The following KHDRBS1 variants were observed in gnomAD, a reference collection of about 807,000 sequenced individuals.
KHDRBS1 encodes KH RNA binding domain containing, signal transduction associated 1.
A neutral mutation model predicts 48.4 loss-of-function variants in KHDRBS1; 7 were observed. The ratio of observed to expected loss-of-function variants is 0.14; its 90% CI spans 0.08 to 0.27. The LOEUF is 0.27. Among genes scored for constraint, KHDRBS1 ranks in the 10% least tolerant of loss-of-function variants. The pLI, the probability that KHDRBS1 is intolerant of heterozygous loss-of-function variation, is 1.00. For missense variants in KHDRBS1, 458 were observed against 601.2 expected (o/e 0.76, Z 2.49); for synonymous variants, 241 against 235.8 (o/e 1.02, Z -0.20).
At chr1:32,015,475 C>T (rs1312766457) in intron 1 of KHDRBS1, among the ~76,000 whole-genome samples, 1 of 152,158 alleles carries the variant, frequency 6.6e-6, no homozygotes. Context: ...TATTATCTCC[C>T]TCCCTTTGTT....
chr1:32,021,122 A>T (rs1446005205), intron 1 of KHDRBS1, among the ~76,000 whole-genome samples: 6 of 147,170 alleles, frequency 4.1e-5, no homozygotes, highest in East Asian at 1.9e-4. Context: ...CCTTAAAATT[A>T]AAAAAAAAAA....
intron 10 of KHDRBS1, among the ~76,000 whole-genome samples, chr1:32,053,782 G>A (rs1639449190): frequency 6.6e-6 from 1 of 152,134 alleles, no homozygotes; most frequent in South Asian, 2.1e-4. Flanking sequence ...GTGAGCTAAT[G>A]CATATAAAAC....
At chr1:32,040,047 T>C (rs987184548) in intron 8 of KHDRBS1, among the ~76,000 whole-genome samples, 3 of 151,906 alleles carry the variant, frequency 2.0e-5, no homozygotes, top group African/African-American at 7.3e-5. Context: ...AAGAATGTCA[T>C]TGTAAAGGAA....
At position 32,042,003 on chromosome 1, in the gene KHDRBS1, G is replaced by A. The variant is rs904761729; in HGVS notation, c.1235-524G>A. Among the ~76,000 whole-genome samples the A allele has an allele frequency of 5.3e-5, 8 of 152,166 alleles. No homozygotes were observed. In the East Asian group the frequency reaches 9.7e-4, roughly 18 times the overall value. ...CCCCATGGAAAGTGGCCCTTGCTTGGTTTTCCCAGGGAGCTAGAGGACACT... is the reference window on the plus strand; with the variant it reads ...CCCCATGGAAAGTGGCCCTTGCTTGATTTTCCCAGGGAGCTAGAGGACACT... On this transcript the variant is annotated intron_variant, in intron 8 of 8. Transcript: ENST00000327300.
intron 1 of KHDRBS1, among the ~76,000 whole-genome samples, chr1:32,016,682 T>C (rs1213551762): frequency 2.6e-5 from 4 of 152,200 alleles, no homozygotes; most frequent in African/African-American, 9.6e-5. Context: ...CTGAGCACTC[T>C]TCCTGTACCA....
rs556970790 is a variant in KHDRBS1 at position 32,042,195 on chromosome 1, A to T, written c.1235-332A>T. Among the ~76,000 whole-genome samples the T allele has an allele frequency of 9.8e-5, 15 of 152,314 alleles. No homozygotes were observed. The South Asian group carries it at 3.1e-3, about 32-fold the overall frequency. On this transcript the variant is annotated intron_variant, in intron 8 of 8. Coordinates refer to ENST00000327300, the MANE Select transcript of KHDRBS1 (RefSeq NM_006559.3). ...ACTCACTAAGATTAATGAGTTCCTC[A>T]CTATCTCAAGCAAGGTGTTGGGTAT...
At chr1:32,029,069 T>C (rs1464933501) in intron 1 of KHDRBS1, among the ~76,000 whole-genome samples, 3 of 152,340 alleles carry the variant, frequency 2.0e-5, no homozygotes, top group Non-Finnish European at 4.4e-5. Flanking sequence ...GTACCTATTA[T>C]AGCCCTCCCT....
At chr1:32,058,105 T>G (rs1639500955) in intron 10 of KHDRBS1, among the ~76,000 whole-genome samples, 2 of 144,566 alleles carry the variant, frequency 1.4e-5, no homozygotes, top group African/African-American at 2.6e-5. Flanking sequence ...GCAATAAGAG[T>G]GAAACTGTCT....
chr1:32,037,233 A>T (rs772801642), intron 5 of KHDRBS1, among the ~76,000 whole-genome samples, 190 bp downstream of exon 5: 1 of 152,076 alleles, frequency 6.6e-6, no homozygotes, highest in Non-Finnish European at 1.5e-5. Flanking sequence ...AGGCGGATCA[A>T]CTGACATTTG....
At chr1:32,035,089 G>A (rs762099265) in intron 4 of KHDRBS1, among the ~76,000 whole-genome samples, 6 of 151,982 alleles carry the variant, frequency 3.9e-5, no homozygotes, top group Non-Finnish European at 8.8e-5. Context: ...CTCTTTTTGG[G>A]GTGTTCTATT....
chr1:32,025,490 G>A lies in KHDRBS1; in HGVS notation c.383-4808G>A, dbSNP rs558884928. ...TCATTTTTGTACTTTTAATAGAGAT[G>A]GGGTTTCACTGTATTGGTCAGGCTG... On this transcript the variant is annotated intron_variant, in intron 1 of 8. Transcript: ENST00000327300. Among the ~76,000 whole-genome samples, 48 of 150,990 alleles carry A rather than the reference G, an allele frequency of 3.2e-4. No homozygotes were observed. The South Asian group carries it at 6.5e-3, about 21-fold the overall frequency.
intron 8 of KHDRBS1, among the ~76,000 whole-genome samples, chr1:32,039,978 G>A (rs145085014): frequency 6.6e-6 from 1 of 151,742 alleles, no homozygotes; most frequent in Non-Finnish European, 1.5e-5. Context: ...GAACTTAATC[G>A]TACACAACTG....
intron 1 of KHDRBS1, among the ~76,000 whole-genome samples, chr1:32,019,314 C>T (rs1374238335): frequency 1.3e-5 from 2 of 152,090 alleles, no homozygotes; most frequent in Non-Finnish European, 2.9e-5. Flanking sequence ...TTTTGGGAGG[C>T]AGAGGCGGGT....
chr1:32,035,424 G>A (rs544858510), intron 4 of KHDRBS1, among the ~76,000 whole-genome samples: 28 of 152,302 alleles, frequency 1.8e-4, no homozygotes, highest in East Asian at 5.8e-4. Context: ...AGCTGTATAC[G>A]CCTGGGATAT....
At position 32,042,726 on chromosome 1, in the gene KHDRBS1, G is replaced by T; in HGVS notation, c.*102G>T. The T allele has an allele frequency of 1.4e-6, 1 of 715,302 alleles. No homozygotes were observed. Among genetic ancestry groups the T allele is most frequent in the Non-Finnish European group, 2.4e-6 (1 of 409,792 alleles). The allele number at this position is 715,302 out of a possible 1,614,324, so 44.3% of individuals were successfully genotyped here. A position where few individuals can be genotyped will look rare whatever the true frequency, so the allele number is the denominator to read the frequency against. ...CTTTACCCACAACAGACAAGTAATT[G>T]TCTAAGTGTTTTTCTTCGTGGTCCC... is the stretch of plus-strand genomic sequence containing the variant. On this transcript the variant is annotated 3_prime_UTR_variant, in exon 9 of 9. Transcript: ENST00000327300.
At chr1:32,024,720 G>A (rs147284972) in intron 1 of KHDRBS1, among the ~76,000 whole-genome samples, 116 of 152,208 alleles carry the variant, frequency 7.6e-4, no homozygotes, top group Non-Finnish European at 1.3e-4. Context: ...TGCCTCAGAT[G>A]TAAGTAACTC....
Position 32,042,769 on chromosome 1 carries a change from A to C in KHDRBS1, c.*145A>C. Reference sequence around the variant, plus strand: ...GTGGTCCCCTTCTTCTCCCCACCTTATTCCATTCTTAACTCTGCATTCTGG... The same window carrying C: ...GTGGTCCCCTTCTTCTCCCCACCTTCTTCCATTCTTAACTCTGCATTCTGG... On this transcript the variant is annotated 3_prime_UTR_variant, in exon 9 of 9. Coordinates refer to ENST00000327300, the MANE Select transcript of KHDRBS1 (RefSeq NM_006559.3). 1 of 595,130 alleles carries C rather than the reference A, an allele frequency of 1.7e-6. No individual in the cohort carries two copies. Among genetic ancestry groups the C allele is most frequent in the Admixed American group, 2.6e-5 (1 of 37,816 alleles). 36.9% of individuals were successfully genotyped at this position (595,130 alleles called of 1,614,324 possible).
At chr1:32,034,273 G>A (rs1201832310) in intron 4 of KHDRBS1, among the ~76,000 whole-genome samples, 1 of 152,136 alleles carries the variant, frequency 6.6e-6, no homozygotes, top group Non-Finnish European at 1.5e-5. Flanking sequence ...AAATTTATAG[G>A]CAGTGTGGGC....
At chr1:32,027,856 T>G (rs1165652772) in intron 1 of KHDRBS1, among the ~76,000 whole-genome samples, 2 of 152,214 alleles carry the variant, frequency 1.3e-5, no homozygotes, top group Non-Finnish European at 2.9e-5. Flanking sequence ...CTCACATCTG[T>G]AATCCCAGCA....
Sources: allele counts gnomAD v4.1 joint callset (sites outside exome capture counted in the v4.1 genomes callset), GRCh38; gene constraint gnomAD v4.1.1; transcripts MANE v1.5; gene names NCBI Gene and HGNC (gene_info 2026-07-23, HGNC 2026-07-21).